The following ARMH3 variants were observed in gnomAD, a reference collection of about 807,000 sequenced individuals.
The protein encoded by ARMH3 is armadillo-like helical domain-containing protein 3.
A neutral mutation model predicts 99.1 loss-of-function variants in ARMH3; 60 were observed. The ratio of observed to expected loss-of-function variants is 0.61; its 90% CI spans 0.49 to 0.75. ARMH3 has a LOEUF of 0.75. ARMH3 is among the 30% of genes least tolerant of loss of function. ARMH3 has a pLI of 0.00. For synonymous variants in ARMH3, 285 were observed against 292.8 expected, an observed-to-expected ratio of 0.97 and a Z score of 0.27; for missense variants, 679 against 843.1, an observed-to-expected ratio of 0.81 and a Z score of 2.41.
chr10:101,850,090 CTTTTT>C lies in ARMH3; in HGVS notation c.1861-203_1861-199del, dbSNP rs754571008. Among the ~76,000 whole-genome samples, 167 of 91,326 alleles carry C rather than the reference CTTTTT, an allele frequency of 1.8e-3. 1 individual carries two copies. Among genetic ancestry groups the C allele is most frequent in the Non-Finnish European group, 2.6e-3 (127 of 49,544 alleles). 59.9% of individuals were successfully genotyped at this position (91,326 alleles called of 152,430 possible). A position where few individuals can be genotyped will look rare whatever the true frequency, so the allele number is the denominator to read the frequency against. Reference sequence around the variant, plus strand: ...TTCTGGGACCACTTTCTCTCTCTCTCTTTTTTTTTTTTTTTTTTTTTTTTTGAGAC... The same window carrying C: ...TTCTGGGACCACTTTCTCTCTCTCTCTTTTTTTTTTTTTTTTTTTTGAGAC... On this transcript the variant is annotated intron_variant, in intron 24 of 25. Transcript: ENST00000370033.
chr10:101,863,116 T>G (rs985336250), intron 24 of ARMH3, among the ~76,000 whole-genome samples: 1 of 152,190 alleles, frequency 6.6e-6, no homozygotes, highest in Non-Finnish European at 1.5e-5. Flanking sequence ...GGCAGGAGAA[T>G]AGCTTGAATC....
intron 2 of ARMH3, among the ~76,000 whole-genome samples, chr10:102,037,183 C>CTTTT (rs201412666): frequency 1.5e-5 from 2 of 137,396 alleles, no homozygotes; most frequent in Admixed American, 7.3e-5. Context: ...ATTTTGTTTT[C>CTTTT]TTTTTTTTTT....
At chr10:101,978,853 T>C (rs924404228) in intron 19 of ARMH3, among the ~76,000 whole-genome samples, 20 of 151,742 alleles carry the variant, frequency 1.3e-4, no homozygotes, top group Middle Eastern at 3.2e-3. Context: ...AGGCAGAGAA[T>C]TGCTTGAACC....
chr10:101,985,059 C>G (rs1294420132), intron 19 of ARMH3, among the ~76,000 whole-genome samples: 4 of 141,634 alleles, frequency 2.8e-5, no homozygotes, highest in African/African-American at 1.1e-4. Flanking sequence ...CAGAAAGAGA[C>G]TCCATCTAAA....
intron 19 of ARMH3, among the ~76,000 whole-genome samples, chr10:101,976,949 A>G (rs564154355): frequency 4.2e-4 from 64 of 152,318 alleles, no homozygotes; most frequent in African/African-American, 1.4e-3. Flanking sequence ...CACCATGCTC[A>G]GCCAGAAGTT....
At chr10:101,957,301 C>T (rs533492999) in intron 21 of ARMH3, among the ~76,000 whole-genome samples, 1 of 152,330 alleles carries the variant, frequency 6.6e-6, no homozygotes, top group Admixed American at 6.5e-5. Context: ...AAACCAAGTG[C>T]AGCCATGATG....
intron 22 of ARMH3, among the ~76,000 whole-genome samples, chr10:101,942,412 T>C (rs898450999): frequency 1.3e-5 from 2 of 152,222 alleles, no homozygotes; most frequent in Non-Finnish European, 2.9e-5. Flanking sequence ...ATGCTTTTTC[T>C]TTAGTATTGG....
intron 23 of ARMH3, among the ~76,000 whole-genome samples, chr10:101,892,499 TTG>T (rs1036397426): frequency 6.6e-6 from 1 of 152,020 alleles, no homozygotes; most frequent in African/African-American, 2.4e-5. Context: ...GTATGTGTGT[TTG>T]TGTGTGTGTA....
intron 20 of ARMH3, among the ~76,000 whole-genome samples, chr10:101,964,275 G>A (rs772614476): frequency 1.3e-5 from 2 of 152,150 alleles, no homozygotes; most frequent in Non-Finnish European, 1.5e-5. Context: ...TTCCCAAAGT[G>A]CTAGGATTAC....
chr10:101,859,438 A>AT (rs1217785679), intron 24 of ARMH3, among the ~76,000 whole-genome samples: 1 of 152,236 alleles, frequency 6.6e-6, no homozygotes, highest in African/African-American at 2.4e-5. Flanking sequence ...TGAAAGGCAG[A>AT]TTCTTCAAGG....
intron 19 of ARMH3, among the ~76,000 whole-genome samples, chr10:101,976,168 CAAAA>C (rs780547260): frequency 4.3e-5 from 1 of 23,188 alleles, no homozygotes; most frequent in Non-Finnish European, 7.6e-5. Flanking sequence ...GACTCTGTCT[CAAAA>C]AAAAAAAAAA....
intron 15 of ARMH3, among the ~76,000 whole-genome samples, 196 bp from the exon 16 acceptor site, chr10:101,995,551 A>AT (rs1446871584): frequency 6.6e-6 from 1 of 152,138 alleles, no homozygotes; most frequent in South Asian, 2.1e-4. Context: ...CAGAAGATTT[A>AT]TTTTTTTAAT....
At chr10:101,860,265 T>G (rs899133355) in intron 24 of ARMH3, among the ~76,000 whole-genome samples, 2 of 151,966 alleles carry the variant, frequency 1.3e-5, no homozygotes, top group South Asian at 2.1e-4. Flanking sequence ...TATAGATATA[T>G]AGATATAGAT....
chr10:101,967,687 G>A (rs940770945), intron 20 of ARMH3, among the ~76,000 whole-genome samples: 1 of 152,110 alleles, frequency 6.6e-6, no homozygotes, highest in Non-Finnish European at 1.5e-5. Context: ...CGGTGAGCTG[G>A]GATCGCGCCA....
rs1845144830 is a variant in ARMH3, at chr10:101,958,562, C to T, written c.1496-830G>A. On this transcript the variant is annotated intron_variant, in intron 20 of 25. Coordinates refer to ENST00000370033, the MANE Select transcript of ARMH3 (RefSeq NM_024541.3). The stretch of plus-strand genomic sequence containing the variant: ...GCTTCTCTGCCCATCTCAGATAATG[C>T]CCCTGTACCTACCTCCCCTACTTGA... Among the ~76,000 whole-genome samples the T allele has an allele frequency of 3.3e-5, 5 of 152,274 alleles. No homozygotes were observed. The South Asian group carries it at 8.3e-4, about 25-fold the overall frequency.
intron 13 of ARMH3, among the ~76,000 whole-genome samples, chr10:102,008,369 G>A (rs2066551742): frequency 6.6e-6 from 1 of 152,066 alleles, no homozygotes; most frequent in Non-Finnish European, 1.5e-5. Flanking sequence ...CTGGCTTTAA[G>A]ATAATAACAC....
chr10:101,907,385 GTT>G (rs773919740), intron 23 of ARMH3, among the ~76,000 whole-genome samples: 15 of 136,818 alleles, frequency 1.1e-4, no homozygotes, highest in East Asian at 2.1e-4. Context: ...CTTTGTTTTT[GTT>G]TTTTTTTTTT....
intron 23 of ARMH3, among the ~76,000 whole-genome samples, chr10:101,890,677 G>C (rs547092725): frequency 5.1e-4 from 78 of 152,300 alleles, no homozygotes; most frequent in African/African-American, 1.8e-3. Context: ...TAGCAAATGG[G>C]AAACACAGTA....
At chr10:102,052,526 A>G (rs2067731947) in intron 1 of ARMH3, among the ~76,000 whole-genome samples, 1 of 152,070 alleles carries the variant, frequency 6.6e-6, no homozygotes. Flanking sequence ...GCCTGACCCC[A>G]TAATCTTCAT....
Sources: gnomAD v4.1 joint callset for allele counts (sites outside exome capture counted in the v4.1 genomes callset) on GRCh38, gnomAD v4.1.1 for gene constraint, MANE v1.5 for transcripts, NCBI Gene and HGNC (gene_info 2026-07-23, HGNC 2026-07-21) for gene names.